Variants in CPNE9 observed in about 807,000 individuals in gnomAD.
CPNE9 encodes the protein copine family member 9.
In CPNE9, 59 loss-of-function variants were observed where a neutral mutation model predicts 83.0. The observed-to-expected ratio is 0.71, with a 90% confidence interval of 0.58 to 0.88. The LOEUF (loss-of-function observed/expected upper bound fraction) is 0.88, where lower values mean the gene tolerates loss of function less well. Among genes scored for constraint, CPNE9 ranks in the 40% least tolerant of loss-of-function variants. The pLI, the probability that CPNE9 is intolerant of heterozygous loss-of-function variation, is 0.00. For synonymous variants in CPNE9, 256 were observed against 273.4 expected, an observed-to-expected ratio of 0.94 and a Z score of 0.63; for missense variants, 619 against 720.8, an observed-to-expected ratio of 0.86 and a Z score of 1.62.
At chr3:9,723,265 A>G (rs1005414164) in intron 17 of CPNE9, among the ~76,000 whole-genome samples, 5 of 152,168 alleles carry the variant, frequency 3.3e-5, no homozygotes, top group Admixed American at 6.5e-5. Flanking sequence ...TGAGGTCAGG[A>G]GTTCAAGACC....
At chr3:9,711,047 G>A (rs995601739) in intron 7 of CPNE9, among the ~76,000 whole-genome samples, 1 of 151,314 alleles carries the variant, frequency 6.6e-6, no homozygotes, top group Non-Finnish European at 1.5e-5. Context: ...GTGAGAGAAG[G>A]GAAAAAAGAG....
chr3:9,706,895 G>C (rs1484034114), intron 7 of CPNE9, among the ~76,000 whole-genome samples: 3 of 152,346 alleles, frequency 2.0e-5, no homozygotes, highest in Admixed American at 2.0e-4. Flanking sequence ...AGCAAGACTG[G>C]AGCCAGGTGA....
At chr3:9,727,708 TG>T in intron 20 of CPNE9, among the ~76,000 whole-genome samples, 1 of 152,050 alleles carries the variant, frequency 6.6e-6, no homozygotes, top group East Asian at 1.9e-4. Flanking sequence ...AGGCAAAATT[TG>T]GGGGTATGTT....
rs1478941948 is a variant in CPNE9, at chr3:9,717,161, T to C, written c.931+57T>C. On this transcript the variant is annotated intron_variant, in intron 15 of 20. Transcript: ENST00000383832. Reference sequence around the variant, plus strand: ...TGGGAAGGCACTTCTAAGGGAGTCATTAGGAGTTGGCCTGGATTCCTACCT... The same window carrying C: ...TGGGAAGGCACTTCTAAGGGAGTCACTAGGAGTTGGCCTGGATTCCTACCT... The C allele has an allele frequency of 3.8e-6, 6 of 1,585,044 alleles. No individual in the cohort carries two copies. In the Admixed American group the frequency reaches 8.4e-5, roughly 22 times the overall value.
chr3:9,729,488 T>C lies in CPNE9; in HGVS notation c.1477-19T>C, dbSNP rs1280255804. ...TCTCCTGGTCATGGCTTATCTCTTCTTGTCTGTGCCTGACCCAGTTCGTCC... is the reference window on the plus strand; with the variant it reads ...TCTCCTGGTCATGGCTTATCTCTTCCTGTCTGTGCCTGACCCAGTTCGTCC... On this transcript the variant is annotated intron_variant, in intron 20 of 20. Coordinates refer to ENST00000383832, the MANE Select transcript of CPNE9 (RefSeq NM_153635.3). 1.2e-6 allele frequency: 2 copies of C among 1,600,742 alleles called. No homozygotes were observed. The highest frequency in any genetic ancestry group is 1.3e-5 in the African/African-American group (1 of 74,696).
chr3:9,705,423 C>T (rs1416334441), intron 4 of CPNE9, 41 bp from the exon 5 acceptor site: 1 of 780,340 alleles, frequency 1.3e-6, no homozygotes, highest in Non-Finnish European at 2.2e-6. Flanking sequence ...ACCCTCTCCC[C>T]CACCCAGCCC....
intron 15 of CPNE9, 97 bp from the exon 16 acceptor site, chr3:9,717,932 T>A: frequency 1.9e-6 from 2 of 1,059,304 alleles, no homozygotes; most frequent in Middle Eastern, 2.1e-4. Flanking sequence ...AGAGGGCAGA[T>A]AAATGGATAT....
Position 9,704,199 on chromosome 3 carries a change from G to A in CPNE9, c.68+135G>A. 1.2e-6 allele frequency: 1 copy of A among 826,250 alleles called. No homozygotes were observed. The highest frequency in any genetic ancestry group is 1.7e-5 in the South Asian group (1 of 59,726). The allele number at this position is 826,250 out of a possible 1,614,324, so 51.2% of individuals were successfully genotyped here. A position where few individuals can be genotyped will look rare whatever the true frequency, so the allele number is the denominator to read the frequency against. On this transcript the variant is annotated intron_variant, in intron 1 of 20. Coordinates refer to ENST00000383832, the MANE Select transcript of CPNE9 (RefSeq NM_153635.3). This position sits in a 1 kb window ranked among gnomAD's most constrained non-coding sequence, Gnocchi z 7.1. ...GCTGGAAAATCACAGCTGATGACAG[G>A]GCGAGTAGCTGGTGGGATCGAGAAG...
At chr3:9,722,167 C>CG (rs1553691427) in intron 17 of CPNE9, among the ~76,000 whole-genome samples, 1 of 151,452 alleles carries the variant, frequency 6.6e-6, no homozygotes, top group Non-Finnish European at 1.5e-5. Flanking sequence ...TCCACCCCCC[C>CG]CCGCCACCCG....
In CPNE9 at chr3:9,720,851, G is replaced by A. The variant is rs886252510; in HGVS notation, c.1241+2249G>A. On this transcript the variant is annotated intron_variant, in intron 17 of 20. Coordinates refer to ENST00000383832, the MANE Select transcript of CPNE9 (RefSeq NM_153635.3). The stretch of plus-strand genomic sequence containing the variant: ...GAGTGTGGTGTCCGGAGCCAGACTA[G>A]CCAAGTTAACACTCTGGTTCTATCA... Among the ~76,000 whole-genome samples, 8 of 152,284 alleles carry A rather than the reference G, an allele frequency of 5.3e-5. No homozygotes were observed. In the South Asian group the frequency reaches 1.7e-3, roughly 32 times the overall value.
At position 9,711,509 on chromosome 3, in the gene CPNE9, G is replaced by A. The variant is rs552427710; in HGVS notation, c.378-1032G>A. On this transcript the variant is annotated intron_variant, in intron 7 of 20. Coordinates refer to ENST00000383832, the MANE Select transcript of CPNE9 (RefSeq NM_153635.3). ...TGGGATTATAGGCGTGAGCCATCGC[G>A]CCCAGCCGTAGGCGAATAGAACCTA... 5.3e-5 allele frequency among the ~76,000 whole-genome samples: 8 copies of A among 152,216 alleles called. No individual in the cohort carries two copies. The East Asian group carries it at 7.7e-4, about 15-fold the overall frequency.
chr3:9,714,142 A>G (rs1489497282), intron 10 of CPNE9, among the ~76,000 whole-genome samples: 2 of 152,206 alleles, frequency 1.3e-5, no homozygotes, highest in Non-Finnish European at 2.9e-5. Context: ...GGATGGGCAC[A>G]TAGATGAGTA....
At chr3:9,724,188 CTTT>C (rs201939446) in intron 17 of CPNE9, among the ~76,000 whole-genome samples, 7 of 136,438 alleles carry the variant, frequency 5.1e-5, no homozygotes, top group African/African-American at 8.1e-5. Flanking sequence ...CTCTCTAGGT[CTTT>C]TTTTTTTTTT....
chr3:9,712,672 C>T (rs2076641490), intron 8 of CPNE9, 53 bp from the exon 9 acceptor site: 1 of 1,607,014 alleles, frequency 6.2e-7, no homozygotes, highest in African/African-American at 1.3e-5. Flanking sequence ...AATGGACTGT[C>T]TGAAGGCTAT....
chr3:9,727,642 C>T (rs564358749), intron 20 of CPNE9, among the ~76,000 whole-genome samples: 5 of 152,152 alleles, frequency 3.3e-5, no homozygotes, highest in South Asian at 4.2e-4. Flanking sequence ...AGAACTGGCC[C>T]GATCCACGAA....
At chr3:9,717,191 A>G in intron 15 of CPNE9, 87 bp downstream of exon 15, 1 of 1,434,808 alleles carries the variant, frequency 7.0e-7, no homozygotes, top group Non-Finnish European at 9.8e-7. Context: ...CTACCTAGAG[A>G]TAAGAGTTTA....
chr3:9,704,781 C>G lies in CPNE9; in HGVS notation c.142C>G (p.Gln48Glu). ...GCTTTACACGCAGAGCCGGGCCAGC[C>G]AGGAGTGGCGGGAGGTGAGTCCCAG... ...VVLYTQSRASQEWREFGRTEV... is the reference protein window; with the variant it reads ...VVLYTQSRASEEWREFGRTEV... The change falls in exon 3 of 21, where the codon CAG (glutamine) becomes GAG (glutamate). Residue 48 changes from glutamine to glutamate, a missense_variant. Around this residue, in one of 3 missense-constraint regions of CPNE9, gnomAD observed 130 missense variants for 117.5 expected, o/e 1.11. Transcript: ENST00000383832. This position sits in a 1 kb window ranked among gnomAD's most constrained non-coding sequence, Gnocchi z 7.1. 6.2e-7 allele frequency: 1 copy of G among 1,611,518 alleles called. No homozygotes were observed.
chr3:9,707,804 A>AC (rs2076579487), intron 7 of CPNE9, among the ~76,000 whole-genome samples: 2 of 151,754 alleles, frequency 1.3e-5, no homozygotes, highest in Non-Finnish European at 2.9e-5. Context: ...AAAAAAAAAA[A>AC]AAAACGTGAA....
intron 17 of CPNE9, among the ~76,000 whole-genome samples, chr3:9,721,868 T>C (rs182060747): frequency 6.6e-6 from 1 of 152,226 alleles, no homozygotes; most frequent in Admixed American, 6.5e-5. Context: ...TGTTACTTAA[T>C]GTCTCTAAGC....
Sources: allele counts gnomAD v4.1 joint callset (sites outside exome capture counted in the v4.1 genomes callset), GRCh38; gene constraint gnomAD v4.1.1; regional missense constraint gnomAD v4.1.1; non-coding constraint Gnocchi (gnomAD v3.1); transcripts MANE v1.5; gene names NCBI Gene and HGNC (gene_info 2026-07-23, HGNC 2026-07-21).